The following CYTL1 variants were observed in gnomAD, a reference collection of about 807,000 sequenced individuals.
CYTL1 encodes cytokine-like protein 1.
A neutral mutation model predicts 13.1 loss-of-function variants in CYTL1; 17 were observed. The ratio of observed to expected loss-of-function variants is 1.29; its 90% CI spans 0.89 to 1.94. CYTL1 has a LOEUF of 1.94. Ranked by LOEUF, CYTL1 falls within the 30% of genes most tolerant of loss-of-function variation. The probability of loss-of-function intolerance (pLI) is 0.00; values close to 1 mark genes in which losing one functional copy is unlikely to be tolerated. For synonymous variants in CYTL1, 91 were observed against 79.4 expected, an observed-to-expected ratio of 1.15 and a Z score of -0.78; for missense variants, 213 against 174.8, an observed-to-expected ratio of 1.22 and a Z score of -1.23.
At chr4:5,019,003 C>CTTT (rs1186542271) in intron 1 of CYTL1, among the ~76,000 whole-genome samples, 49 of 89,618 alleles carry the variant, frequency 5.5e-4, no homozygotes, top group African/African-American at 1.9e-3. Context: ...TTTCTTTTTT[C>CTTT]TTTTTTTTTT....
At chr4:5,017,582 A>G (rs1741101199) in intron 1 of CYTL1, among the ~76,000 whole-genome samples, 1 of 151,192 alleles carries the variant, frequency 6.6e-6, no homozygotes, top group South Asian at 2.1e-4. Context: ...ATTTAGTTAT[A>G]TAACAGTTGT....
At chr4:5,018,288 C>G (rs766878213) in intron 1 of CYTL1, among the ~76,000 whole-genome samples, 25 of 152,178 alleles carry the variant, frequency 1.6e-4, no homozygotes, top group Non-Finnish European at 2.6e-4. Flanking sequence ...AATGCTACGG[C>G]AGCAGCTACC....
At chr4:5,015,589 A>G (rs989196888) in intron 3 of CYTL1, among the ~76,000 whole-genome samples, 3 of 152,200 alleles carry the variant, frequency 2.0e-5, no homozygotes, top group Admixed American at 6.5e-5. Flanking sequence ...CCTCACTTCA[A>G]TCAATACCAC....
At chr4:5,017,223 A>C in intron 1 of CYTL1, 44 bp from the exon 2 acceptor site, 1 of 1,589,590 alleles carries the variant, frequency 6.3e-7, no homozygotes, top group Non-Finnish European at 8.6e-7. Flanking sequence ...ACAGGGGCAT[A>C]CCTGGTCACA....
chr4:5,015,369 C>G, intron 3 of CYTL1, 135 bp from the exon 4 acceptor site: 1 of 648,474 alleles, frequency 1.5e-6, no homozygotes, highest in Non-Finnish European at 2.7e-6. Flanking sequence ...ATGCCTTACT[C>G]TCCCCAAAAA....
At position 5,019,282 on chromosome 4, in the gene CYTL1, G is replaced by A. The variant is rs1297714648; in HGVS notation, c.153+11C>T. The A allele has an allele frequency of 2.0e-6, 3 of 1,476,072 alleles. No individual in the cohort carries two copies. The highest frequency in any genetic ancestry group is 3.0e-5 in the African/African-American group (2 of 67,528). 91.4% of individuals were successfully genotyped at this position (1,476,072 alleles called of 1,614,324 possible). The stretch of plus-strand genomic sequence containing the variant: ...CCATGCACCCCTGTCCTGAGCGGGC[G>A]GGGGACTCACCGAGGGCTCCGAGAC... On this transcript the variant is annotated intron_variant, in intron 1 of 3. Coordinates refer to ENST00000307746, the MANE Select transcript of CYTL1 (RefSeq NM_018659.3).
chr4:5,019,094 C>T (rs1577596898), intron 1 of CYTL1, among the ~76,000 whole-genome samples, 199 bp downstream of exon 1: 2 of 104,942 alleles, frequency 1.9e-5, no homozygotes, highest in Non-Finnish European at 3.9e-5. Flanking sequence ...TTTACTTTTT[C>T]TTGTGTTTTG....
Position 5,015,152 on chromosome 4 carries a change from T to TA in CYTL1, c.409dup (p.Ter137LeufsTer22). 2 of 1,613,696 alleles carry TA rather than the reference T, an allele frequency of 1.2e-6. No homozygotes were observed. The highest frequency in any genetic ancestry group is 1.7e-6 in the Non-Finnish European group (2 of 1,179,732). On this transcript the variant is annotated frameshift_variant and stop_lost, in exon 4 of 4. Transcript: ENST00000307746. LOFTEE classifies it high-confidence loss of function. ...GTTCTTTCTCTGGTCTCAGTTCCCT[T>TA]AGCGCTGACGATCTGGCAGGACCGT...
Position 5,019,286 on chromosome 4 carries a change from G to A in CYTL1, c.153+7C>T, listed in dbSNP as rs1329858257. The A allele has an allele frequency of 2.0e-6, 3 of 1,479,406 alleles. No individual in the cohort carries two copies. Among genetic ancestry groups the A allele is most frequent in the African/African-American group, 3.0e-5 (2 of 67,716 alleles). The allele number at this position is 1,479,406 out of a possible 1,614,324, so 91.6% of individuals were successfully genotyped here. Reference sequence around the variant, plus strand: ...GCACCCCTGTCCTGAGCGGGCGGGGGACTCACCGAGGGCTCCGAGACCTGC... The same window carrying A: ...GCACCCCTGTCCTGAGCGGGCGGGGAACTCACCGAGGGCTCCGAGACCTGC... On this transcript the variant is annotated splice_region_variant and intron_variant, in intron 1 of 3. Coordinates refer to ENST00000307746, the MANE Select transcript of CYTL1 (RefSeq NM_018659.3).
In CYTL1 at chr4:5,019,348, G is replaced by T. The variant is rs1741147373; in HGVS notation, c.98C>A (p.Ala33Asp). The T allele has an allele frequency of 5.9e-6, 9 of 1,515,092 alleles. No individual in the cohort carries two copies. Among genetic ancestry groups the T allele is most frequent in the African/African-American group, 1.5e-5 (1 of 68,068 alleles). The allele number at this position is 1,515,092 out of a possible 1,614,324, so 93.9% of individuals were successfully genotyped here. The change falls in exon 1 of 4, where the codon GCC (alanine) becomes GAC (aspartate). Residue 33 changes from alanine to aspartate, a missense_variant. Physicochemically the swap from Ala to Asp is moderately radical, Grantham distance 126. Coordinates refer to ENST00000307746, the MANE Select transcript of CYTL1 (RefSeq NM_018659.3). ...TPPTCYSRMR[A>D]LSQEITRDFN... ...GTCGCGGGTGATCTCCTGGCTCAGG[G>T]CCCGCATGCGGGAGTAGCAGGTCGG...
chr4:5,016,588 G>T (rs946219710), intron 3 of CYTL1, among the ~76,000 whole-genome samples: 1 of 152,186 alleles, frequency 6.6e-6, no homozygotes, highest in Non-Finnish European at 1.5e-5. Context: ...CTATGTGGCT[G>T]GGGTGTGGTC....
At chr4:5,016,731 C>T in intron 3 of CYTL1, 105 bp downstream of exon 3, 1 of 1,399,010 alleles carries the variant, frequency 7.1e-7, no homozygotes, top group Non-Finnish European at 9.9e-7. Context: ...AACATCTCTG[C>T]TCCTCTTCCT....
chr4:5,017,090 G>A, intron 2 of CYTL1, 45 bp downstream of exon 2: 1 of 1,609,308 alleles, frequency 6.2e-7, no homozygotes, highest in Non-Finnish European at 8.5e-7. Flanking sequence ...TCAGACCTGA[G>A]TCCCTCAGCC....
At chr4:5,017,701 A>AATTACATAATTATGTAAT (rs1741105331) in intron 1 of CYTL1, among the ~76,000 whole-genome samples, 1 of 151,724 alleles carries the variant, frequency 6.6e-6, no homozygotes, top group Non-Finnish European at 1.5e-5. Context: ...TAGACATTAT[A>AATTACATAATTATGTAAT]TATACTTACA....
At position 5,019,278 on chromosome 4, in the gene CYTL1, G is replaced by T. The variant is rs1396856962; in HGVS notation, c.153+15C>A. On this transcript the variant is annotated intron_variant, in intron 1 of 3. Transcript: ENST00000307746. ...TCTGCCATGCACCCCTGTCCTGAGC[G>T]GGCGGGGGACTCACCGAGGGCTCCG... 6.8e-7 allele frequency: 1 copy of T among 1,462,924 alleles called. No individual in the cohort carries two copies. Among genetic ancestry groups the T allele is most frequent in the African/African-American group, 1.5e-5 (1 of 67,370 alleles). 90.6% of individuals were successfully genotyped at this position (1,462,924 alleles called of 1,614,324 possible).
chr4:5,018,222 C>T (rs1483035783), intron 1 of CYTL1, among the ~76,000 whole-genome samples: 1 of 152,104 alleles, frequency 6.6e-6, no homozygotes, highest in Non-Finnish European at 1.5e-5. Context: ...ACACACACAA[C>T]ACACACGTAT....
At chr4:5,017,955 G>A (rs533370991) in intron 1 of CYTL1, among the ~76,000 whole-genome samples, 2 of 152,314 alleles carry the variant, frequency 1.3e-5, no homozygotes, top group South Asian at 4.1e-4. Flanking sequence ...TGAAATTAGA[G>A]ATTTAGAATG....
chr4:5,017,076 A>AG, intron 2 of CYTL1, 59 bp downstream of exon 2: 1 of 1,607,278 alleles, frequency 6.2e-7, no homozygotes, highest in Non-Finnish European at 8.5e-7. Flanking sequence ...CCAGCAGCAG[A>AG]GGTTCAGACC....
intron 1 of CYTL1, among the ~76,000 whole-genome samples, chr4:5,019,003 C>CTT (rs1186542271): frequency 0.014 from 1,241 of 89,618 alleles, 17 homozygotes; most frequent in African/African-American, 0.049. Flanking sequence ...TTTCTTTTTT[C>CTT]TTTTTTTTTT....
Sources: allele counts gnomAD v4.1 joint callset (sites outside exome capture counted in the v4.1 genomes callset), GRCh38; gene constraint gnomAD v4.1.1; transcripts MANE v1.5; gene names NCBI Gene and HGNC (gene_info 2026-07-23, HGNC 2026-07-21).